VWA5A: variants seen among roughly 807,000 people sequenced by gnomAD.
VWA5A encodes von Willebrand factor A domain containing 5A, also known as von Willebrand factor A domain-containing protein 5A.
A neutral mutation model predicts 84.6 loss-of-function variants in VWA5A; 77 were observed. The ratio of observed to expected loss-of-function variants is 0.91; its 90% confidence interval spans 0.76 to 1.10. The LOEUF (loss-of-function observed/expected upper bound fraction) is 1.10. Among genes scored for constraint, VWA5A ranks in the 50% least tolerant of loss-of-function variants. The pLI is 0.00. For missense variants in VWA5A, 973 were observed against 963.0 expected, an observed-to-expected ratio of 1.01 and a Z score of -0.14; for synonymous variants, 334 against 350.1, an observed-to-expected ratio of 0.95 and a Z score of 0.51.
At chr11:124,120,093 T>C (rs1864907619) in intron 7 of VWA5A, among the ~76,000 whole-genome samples, 1 of 152,216 alleles carries the variant, frequency 6.6e-6, no homozygotes, top group Non-Finnish European at 1.5e-5. Context: ...GACATTCACC[T>C]TGTACAACCA....
chr11:124,116,537 G>A (rs1039136326), intron 1 of VWA5A, 29 bp from the exon 2 acceptor site: 1 of 152,310 alleles, frequency 6.6e-6, no homozygotes, highest in Non-Finnish European at 1.5e-5. Flanking sequence ...TCTGCTTAAT[G>A]TGTTATTAGA....
chr11:124,141,699 A>G lies in VWA5A; in HGVS notation c.1981A>G (p.Ser661Gly). The part of the protein sequence containing the change: ...KAKTFQMDDY[S>G]LCGLISHKDQ... ...CAAGACATTCCAGATGGACGATTAC[A>G]GTCTCTGTGGGTTGATAAGTCACAA... The change falls in exon 16 of 19, where the codon AGT becomes GGT. Residue 661 changes from serine to glycine, a missense_variant. Transcript: ENST00000456829. 1.2e-6 allele frequency: 2 copies of G among 1,614,152 alleles called. No homozygotes were observed. The highest frequency in any genetic ancestry group is 1.7e-6 in the Non-Finnish European group (2 of 1,180,032).
chr11:124,136,307 C>G lies in VWA5A; in HGVS notation c.1524+14C>G, dbSNP rs1490269887. On this transcript the variant is annotated intron_variant, in intron 13 of 18. Coordinates refer to ENST00000456829, the MANE Select transcript of VWA5A (RefSeq NM_001130142.2). ...GGGAGGATGCCAGTGAGTTCCCATT[C>G]TTATTTGTTCCTCTAGTCAAAGAGC... The G allele has an allele frequency of 6.2e-7, 1 of 1,607,170 alleles. No homozygotes were observed. Among genetic ancestry groups the G allele is most frequent in the South Asian group, 1.1e-5 (1 of 90,686 alleles).
intron 7 of VWA5A, among the ~76,000 whole-genome samples, chr11:124,121,512 T>C (rs1864931818): frequency 6.6e-6 from 1 of 152,088 alleles, no homozygotes; most frequent in African/African-American, 2.4e-5. Context: ...TCAGCTATTG[T>C]TAGTGTTAAT....
chr11:124,119,281 A>G (rs948423207), intron 7 of VWA5A, among the ~76,000 whole-genome samples, 192 bp downstream of exon 7: 8 of 152,262 alleles, frequency 5.3e-5, no homozygotes, highest in African/African-American at 1.9e-4. Flanking sequence ...CTTGTAGGCA[A>G]ATTTAAGTAG....
At chr11:124,127,937 A>C (rs1300140853) in intron 11 of VWA5A, among the ~76,000 whole-genome samples, 1 of 152,166 alleles carries the variant, frequency 6.6e-6, no homozygotes, top group African/African-American at 2.4e-5. Flanking sequence ...GATAGATTGC[A>C]AAAATTTTCT....
intron 14 of VWA5A, 65 bp from the exon 15 acceptor site, chr11:124,136,950 C>T (rs758415662): frequency 2.5e-5 from 39 of 1,552,886 alleles, no homozygotes; most frequent in Non-Finnish European, 3.2e-5. Flanking sequence ...CTTTTAGGAG[C>T]CCTGAGAAAC....
In VWA5A at chr11:124,118,522, A is replaced by C; in HGVS notation, c.470-11A>C. ...TGGCAAGGAAAACAGAACTAAGGTC[A>C]TCTTTTATAGGGTCGTCTAAGGACA... On this transcript the variant is annotated splice_polypyrimidine_tract_variant and intron_variant, in intron 5 of 18. Transcript: ENST00000456829. 1 of 1,613,568 alleles carries C rather than the reference A, an allele frequency of 6.2e-7. No individual in the cohort carries two copies. Among genetic ancestry groups the C allele is most frequent in the Non-Finnish European group, 8.5e-7 (1 of 1,179,612 alleles).
chr11:124,118,464 T>G, intron 5 of VWA5A, 53 bp downstream of exon 5: 1 of 1,610,770 alleles, frequency 6.2e-7, no homozygotes, highest in Admixed American at 1.7e-5. Context: ...AATGGGGAAA[T>G]TTTCTTAAGG....
chr11:124,145,369 A>G lies in VWA5A; in HGVS notation c.2281+6A>G, dbSNP rs780709432. The G allele has an allele frequency of 1.2e-6, 2 of 1,609,700 alleles. No homozygotes were observed. The highest frequency in any genetic ancestry group is 1.7e-6 in the Non-Finnish European group (2 of 1,177,844). The stretch of plus-strand genomic sequence containing the variant: ...CTGGATGCGTGCCCATGCAGGTAGG[A>G]GCACAATCCTAAGGCCTGTCTCCTT... On this transcript the variant is annotated splice_donor_region_variant and intron_variant, in intron 18 of 18. Coordinates refer to ENST00000456829, the MANE Select transcript of VWA5A (RefSeq NM_001130142.2).
At chr11:124,119,178 C>T (rs561373172) in intron 7 of VWA5A, 89 bp downstream of exon 7, 1 of 1,219,486 alleles carries the variant, frequency 8.2e-7, no homozygotes, top group African/African-American at 1.5e-5. Flanking sequence ...TCTTTCCTTC[C>T]CTCCAGGGGT....
At position 124,136,618 on chromosome 11, in the gene VWA5A, G is replaced by A; in HGVS notation, c.1569G>A (p.Gln523=). The change falls in exon 14 of 19, where the codon CAG becomes CAA. Residue 523 remains glutamine, a synonymous_variant. Coordinates refer to ENST00000456829, the MANE Select transcript of VWA5A (RefSeq NM_001130142.2). ...TGEVCLKYTL[Q]GKTFEDKVTF... ...AAGTATGCCTCAAATATACACTCCAGGGCAAGACTTTTGAGGATAAGGTGA... is the reference window on the plus strand; with the variant it reads ...AAGTATGCCTCAAATATACACTCCAAGGCAAGACTTTTGAGGATAAGGTGA... The A allele has an allele frequency of 1.2e-6, 2 of 1,614,058 alleles. No homozygotes were observed. The highest frequency in any genetic ancestry group is 1.7e-6 in the Non-Finnish European group (2 of 1,180,006).
intron 11 of VWA5A, among the ~76,000 whole-genome samples, chr11:124,131,211 ATATC>A (rs1365693678): frequency 6.6e-6 from 1 of 152,098 alleles, no homozygotes; most frequent in Non-Finnish European, 1.5e-5. Flanking sequence ...TAAATTATAA[ATATC>A]TATCTGATAC....
rs748772698 is a variant in VWA5A, at chr11:124,118,310, C to T, written c.368C>T (p.Ala123Val). 66 of 1,614,060 alleles carry T rather than the reference C, an allele frequency of 4.1e-5. No homozygotes were observed. Among genetic ancestry groups the T allele is most frequent in the Admixed American group, 3.0e-4 (18 of 60,010 alleles). ...GGTAACCTCCAACCTGGGTCGAAGGCGGCAGTCACCCTGAAGTATGTGCAG... is the reference window on the plus strand; with the variant it reads ...GGTAACCTCCAACCTGGGTCGAAGGTGGCAGTCACCCTGAAGTATGTGCAG... ...NVGNLQPGSK[A>V]AVTLKYVQEL... The change falls in exon 5 of 19, where the codon GCG becomes GTG. Residue 123 changes from alanine (A) to valine (V), a missense_variant. By Grantham distance (64) the Ala-to-Val change is moderately conservative (BLOSUM62 0). Coordinates refer to ENST00000456829, the MANE Select transcript of VWA5A (RefSeq NM_001130142.2).
chr11:124,117,939 A>G (rs1297450989), intron 4 of VWA5A, 64 bp downstream of exon 4: 39 of 1,565,678 alleles, frequency 2.5e-5, no homozygotes, highest in Non-Finnish European at 3.3e-5. Context: ...TCCTTAATGC[A>G]TACTCTTTAT....
At chr11:124,124,148 A>C in intron 10 of VWA5A, 89 bp from the exon 11 acceptor site, 1 of 1,276,824 alleles carries the variant, frequency 7.8e-7, no homozygotes, top group South Asian at 1.3e-5. Context: ...AGCCTCTGCA[A>C]TGAAATAGGT....
intron 11 of VWA5A, among the ~76,000 whole-genome samples, chr11:124,127,138 T>C (rs1372396191): frequency 1.3e-5 from 2 of 152,156 alleles, no homozygotes; most frequent in African/African-American, 4.8e-5. Context: ...TCATCTGCAT[T>C]AGATATTTCT....
chr11:124,132,362 G>A (rs980183457), intron 11 of VWA5A, among the ~76,000 whole-genome samples: 2 of 151,958 alleles, frequency 1.3e-5, no homozygotes, highest in Admixed American at 6.5e-5. Context: ...AGCTGTGAAG[G>A]TTGCCTTTTT....
intron 7 of VWA5A, among the ~76,000 whole-genome samples, chr11:124,122,221 T>C (rs896696624): frequency 2.6e-5 from 4 of 152,238 alleles, no homozygotes; most frequent in African/African-American, 9.6e-5. Flanking sequence ...GCCATTCTCA[T>C]TGCATCTCTA....
Sources: gnomAD v4.1 joint callset for allele counts (sites outside exome capture counted in the v4.1 genomes callset) on GRCh38, gnomAD v4.1.1 for gene constraint, MANE v1.5 for transcripts, NCBI Gene and HGNC (gene_info 2026-07-23, HGNC 2026-07-21) for gene names.